IGSF3: variants seen among roughly 807,000 people sequenced by gnomAD.
The protein encoded by IGSF3 is immunoglobulin superfamily member 3.
Under a neutral mutation model 114.4 loss-of-function variants are expected in IGSF3, and 23 were observed. The ratio of observed to expected loss-of-function variants is 0.20; its 90% CI spans 0.14 to 0.28. IGSF3 has a LOEUF of 0.28. Among genes scored for constraint, IGSF3 ranks in the 10% least tolerant of loss-of-function variants. The pLI is 1.00. For missense variants in IGSF3, 1,172 were observed against 1,591.5 expected (o/e 0.74, Z 4.48); for synonymous variants, 571 against 645.2 (o/e 0.88, Z 1.74).
chr1:116,590,033 C>T (rs1030860983), intron 7 of IGSF3, among the ~76,000 whole-genome samples: 4 of 151,932 alleles, frequency 2.6e-5, no homozygotes, highest in African/African-American at 9.7e-5. Context: ...TGGAGAAACA[C>T]GGCAACAGGT....
chr1:116,625,127 A>C lies in IGSF3; in HGVS notation c.44-8670T>G, dbSNP rs1661534759. Among the ~76,000 whole-genome samples, 1 of 152,244 alleles carries C rather than the reference A, an allele frequency of 6.6e-6. No homozygotes were observed. Among genetic ancestry groups the C allele is most frequent in the Non-Finnish European group, 1.5e-5 (1 of 68,040 alleles). ...TAACAAGAACATATGCTATGGCTTC[A>C]ATCAACATTTTTTTCAGTACCTATT... On this transcript the variant is annotated intron_variant, in intron 2 of 10. Coordinates refer to ENST00000369486, the MANE Select transcript of IGSF3 (RefSeq NM_001007237.3). This position sits in a 1 kb window ranked among gnomAD's most constrained non-coding sequence, Gnocchi z 4.7.
In IGSF3 at chr1:116,608,199, C is replaced by A; in HGVS notation, c.965G>T (p.Ser322Ile). 1.9e-6 allele frequency: 3 copies of A among 1,611,156 alleles called. No homozygotes were observed. The highest frequency in any genetic ancestry group is 1.7e-6 in the Non-Finnish European group (2 of 1,177,670). ...RYFAVSWAFN[S>I]SLIATMGPNA... ...AGGACCCATGGTGGCGATGAGCGAG[C>A]TGTTGAAGGCCCAGGAGACAGCAAA... The change falls in exon 5 of 11, where the codon AGC becomes ATC. Residue 322 changes from serine (S) to isoleucine (I), a missense_variant. By Grantham distance (142) the Ser-to-Ile change is moderately radical. Transcript: ENST00000369486.
Position 116,666,905 on chromosome 1 carries a change from A to C in IGSF3, c.-579T>G, listed in dbSNP as rs945049895. 1.2e-5 allele frequency: 5 copies of C among 403,198 alleles called. No homozygotes were observed. The highest frequency in any genetic ancestry group is 2.2e-5 in the Non-Finnish European group (5 of 228,874). The allele number at this position is 403,198 out of a possible 1,614,324, so 25.0% of individuals were successfully genotyped here. A position where few individuals can be genotyped will look rare whatever the true frequency, so the allele number is the denominator to read the frequency against. Reference sequence around the variant, plus strand: ...CCCCACGCCTGCCTAGGGCACACGAAGCAAGTTGGCGTTCGGCAGCCCTGA... The same window carrying C: ...CCCCACGCCTGCCTAGGGCACACGACGCAAGTTGGCGTTCGGCAGCCCTGA... On this transcript the variant is annotated 5_prime_UTR_variant, in exon 2 of 11. Transcript: ENST00000369486.
Position 116,608,234 on chromosome 1 carries a change from G to A in IGSF3, c.930C>T (p.Pro310=), listed in dbSNP as rs191438836. ...FRCILEAQNV[P]DRYFAVSWAF... ...CCCAGGAGACAGCAAAGTAACGGTC[G>A]GGAACATTCTGAGCCTCCAGGATGC... The change falls in exon 5 of 11, where the codon CCC becomes CCT. Residue 310 remains proline (P), a synonymous_variant. Transcript: ENST00000369486. 9.0e-4 allele frequency: 1,442 copies of A among 1,609,190 alleles called. 23 individuals carry two copies. The East Asian group carries it at 0.026, about 29-fold the overall frequency.
At position 116,615,824 on chromosome 1, in the gene IGSF3, C is replaced by T. The variant is rs1025500269; in HGVS notation, c.421+256G>A. Among the ~76,000 whole-genome samples the T allele has an allele frequency of 1.3e-5, 2 of 152,232 alleles. No individual in the cohort carries two copies. The highest frequency in any genetic ancestry group is 4.8e-5 in the African/African-American group (2 of 41,452). On this transcript the variant is annotated intron_variant, in intron 3 of 10. Coordinates refer to ENST00000369486, the MANE Select transcript of IGSF3 (RefSeq NM_001007237.3). This position sits in a 1 kb window ranked among gnomAD's most constrained non-coding sequence, Gnocchi z 4.3. ...TGCCTTATATTTTCATATCCCTTTT[C>T]ACCAGTTACAGGGTTAGTTAACTTA...
intron 2 of IGSF3, among the ~76,000 whole-genome samples, chr1:116,646,196 A>G (rs1231259944): frequency 2.0e-5 from 3 of 152,228 alleles, no homozygotes; most frequent in Admixed American, 6.5e-5. Context: ...TTGTTTCTGC[A>G]CCGTGTGAAC....
chr1:116,660,269 C>T (rs1292850955), intron 2 of IGSF3, among the ~76,000 whole-genome samples: 4 of 152,096 alleles, frequency 2.6e-5, no homozygotes, highest in Non-Finnish European at 5.9e-5. Context: ...ACACTCAGCC[C>T]ATGTCCTCTT....
rs1288710223 is a variant in IGSF3 at position 116,603,379 on chromosome 1, C to G, written c.1624+245G>C. ...GACTAGGAGTAGTCACAGCTCCCAGCTATTGCTATCCCTCAGGAGCCCCAT... is the reference window on the plus strand; with the variant it reads ...GACTAGGAGTAGTCACAGCTCCCAGGTATTGCTATCCCTCAGGAGCCCCAT... On this transcript the variant is annotated intron_variant, in intron 6 of 10. Coordinates refer to ENST00000369486, the MANE Select transcript of IGSF3 (RefSeq NM_001007237.3). The surrounding 1 kb of genome is among the most constrained non-coding windows in gnomAD (Gnocchi z 7.1). Among the ~76,000 whole-genome samples, 3 of 152,230 alleles carry G rather than the reference C, an allele frequency of 2.0e-5. No homozygotes were observed. Among genetic ancestry groups the G allele is most frequent in the Non-Finnish European group, 4.4e-5 (3 of 68,034 alleles).
chr1:116,620,468 T>C (rs1207512393), intron 2 of IGSF3, among the ~76,000 whole-genome samples: 3 of 152,176 alleles, frequency 2.0e-5, no homozygotes, highest in Non-Finnish European at 4.4e-5. Context: ...GCATGGGCAG[T>C]CAGCACTACT....
In IGSF3 at chr1:116,582,156, C is replaced by T. The variant is rs1176954267; in HGVS notation, c.2849-2279G>A. On this transcript the variant is annotated intron_variant, in intron 9 of 10. Transcript: ENST00000369486. The surrounding 1 kb of genome is among the most constrained non-coding windows in gnomAD (Gnocchi z 4.7). Reference sequence around the variant, plus strand: ...AAGTTTTTCGACAGAAATTAATTTCCACCTTCCCACAATCTCTCTCCCCTT... The same window carrying T: ...AAGTTTTTCGACAGAAATTAATTTCTACCTTCCCACAATCTCTCTCCCCTT... Among the ~76,000 whole-genome samples the T allele has an allele frequency of 6.6e-6, 1 of 152,132 alleles. No individual in the cohort carries two copies. Among genetic ancestry groups the T allele is most frequent in the Non-Finnish European group, 1.5e-5 (1 of 68,026 alleles).
intron 2 of IGSF3, among the ~76,000 whole-genome samples, chr1:116,653,709 C>T (rs1234029240): frequency 6.6e-6 from 1 of 152,158 alleles, no homozygotes; most frequent in African/African-American, 2.4e-5. Context: ...AATAAGAGGA[C>T]TGGGCAAGAA....
At chr1:116,604,256 C>G (rs1180513899) in intron 5 of IGSF3, among the ~76,000 whole-genome samples, 2 of 152,162 alleles carry the variant, frequency 1.3e-5, no homozygotes, top group Non-Finnish European at 2.9e-5. Context: ...GTGCAGAGAA[C>G]TGTGATAACG....
At chr1:116,656,456 A>T (rs1321529316) in intron 2 of IGSF3, among the ~76,000 whole-genome samples, 1 of 151,694 alleles carries the variant, frequency 6.6e-6, no homozygotes, top group African/African-American at 2.4e-5. Flanking sequence ...GCCCGCCACC[A>T]CACCCAGCTA....
Position 116,595,019 on chromosome 1 carries a change from C to T in IGSF3, c.2029+4922G>A, listed in dbSNP as rs545838928. ...TCCCACAGAGCCCGCAAGGCAGGAA[C>T]GTGACACACCCATCTCAGCAGCCTC... On this transcript the variant is annotated intron_variant, in intron 7 of 10. Coordinates refer to ENST00000369486, the MANE Select transcript of IGSF3 (RefSeq NM_001007237.3). The surrounding 1 kb of genome is among the most constrained non-coding windows in gnomAD (Gnocchi z 4.2). 2.0e-5 allele frequency among the ~76,000 whole-genome samples: 3 copies of T among 152,122 alleles called. No individual in the cohort carries two copies. The highest frequency in any genetic ancestry group is 2.9e-5 in the Non-Finnish European group (2 of 68,030).
At position 116,582,211 on chromosome 1, in the gene IGSF3, G is replaced by A. The variant is rs1659631562; in HGVS notation, c.2849-2334C>T. Reference sequence around the variant, plus strand: ...TGTTTCTCTACCAATTTAGTTCCCTGAATCTGCCCCCTTCTAGAATATGCC... The same window carrying A: ...TGTTTCTCTACCAATTTAGTTCCCTAAATCTGCCCCCTTCTAGAATATGCC... On this transcript the variant is annotated intron_variant, in intron 9 of 10. Transcript: ENST00000369486. The surrounding 1 kb of genome is among the most constrained non-coding windows in gnomAD (Gnocchi z 4.7). Among the ~76,000 whole-genome samples the A allele has an allele frequency of 6.6e-6, 1 of 152,126 alleles. No individual in the cohort carries two copies. The highest frequency in any genetic ancestry group is 1.5e-5 in the Non-Finnish European group (1 of 68,034).
At position 116,582,625 on chromosome 1, in the gene IGSF3, A is replaced by G. The variant is rs1422687379; in HGVS notation, c.2848+2020T>C. ...AAAATCTTTGAAGTACGTCTGCACA[A>G]TGAATGTTATGAAACCAGTAAAAAT... On this transcript the variant is annotated intron_variant, in intron 9 of 10. Transcript: ENST00000369486. The surrounding 1 kb of genome is among the most constrained non-coding windows in gnomAD (Gnocchi z 4.7). Among the ~76,000 whole-genome samples the G allele has an allele frequency of 6.6e-6, 1 of 152,238 alleles. No homozygotes were observed. Among genetic ancestry groups the G allele is most frequent in the Admixed American group, 6.5e-5 (1 of 15,282 alleles).
At chr1:116,613,687 G>A in intron 4 of IGSF3, 78 bp downstream of exon 4, 4 of 1,349,420 alleles carry the variant, frequency 3.0e-6, no homozygotes, top group Non-Finnish European at 4.2e-6. Context: ...CCCAAAGAAG[G>A]AGTCTCCACA....
intron 2 of IGSF3, among the ~76,000 whole-genome samples, chr1:116,620,809 T>C (rs1486466240): frequency 3.3e-5 from 5 of 152,212 alleles, no homozygotes; most frequent in Non-Finnish European, 7.4e-5. Context: ...GGTGCAATCA[T>C]AGCTCACTGC....
In IGSF3 at chr1:116,628,499, G is replaced by A. The variant is rs1265680166; in HGVS notation, c.44-12042C>T. Among the ~76,000 whole-genome samples, 3 of 151,992 alleles carry A rather than the reference G, an allele frequency of 2.0e-5. No individual in the cohort carries two copies. The highest frequency in any genetic ancestry group is 4.4e-5 in the Non-Finnish European group (3 of 67,996). ...GATCTAGGTGACCTTGACCAGATGG[G>A]CATCTGTATTCCATTACCCAGCATA... On this transcript the variant is annotated intron_variant, in intron 2 of 10. Transcript: ENST00000369486. This position sits in a 1 kb window ranked among gnomAD's most constrained non-coding sequence, Gnocchi z 4.2.
Sources: allele counts gnomAD v4.1 joint callset (sites outside exome capture counted in the v4.1 genomes callset), GRCh38; gene constraint gnomAD v4.1.1; non-coding constraint Gnocchi (gnomAD v3.1); transcripts MANE v1.5; gene names NCBI Gene and HGNC (gene_info 2026-07-23, HGNC 2026-07-21).